The following ZMYM2 variants were observed in gnomAD, a reference collection of about 807,000 sequenced individuals.
ZMYM2 encodes the protein zinc finger MYM-type containing 2, also known as zinc finger MYM-type protein 2.
ZMYM2 carries 56 observed loss-of-function variants against 162.8 expected under a neutral mutation model. That is an observed-to-expected ratio of 0.34 (90% CI 0.28 to 0.43). The LOEUF is 0.43. Ranked by LOEUF, ZMYM2 falls within the 20% of genes least tolerant of loss-of-function variation. The pLI is 1.00. For synonymous variants in ZMYM2, 510 were observed against 541.6 expected (o/e 0.94, Z 0.81); for missense variants, 1,275 against 1,621.8 (o/e 0.79, Z 3.67).
chr13:20,061,008 T>G (rs1956187294), intron 16 of ZMYM2, 45 bp from the exon 17 acceptor site: 1 of 1,548,740 alleles, frequency 6.5e-7, no homozygotes, highest in East Asian at 2.3e-5. Context: ...GAAAAATACC[T>G]TTTAATGTTT....
chr13:19,969,720 C>T (rs570235184), intron 2 of ZMYM2, among the ~76,000 whole-genome samples: 29 of 152,024 alleles, frequency 1.9e-4, no homozygotes, highest in African/African-American at 6.3e-4. Flanking sequence ...AAATAAAAAG[C>T]TATTGAATTG....
the ZMYM2 span, among the ~76,000 whole-genome samples, chr13:19,888,381 G>T: frequency 2.0e-5 from 3 of 151,508 alleles, no homozygotes; most frequent in Admixed American, 2.0e-4. Context: ...TAGAGACTGG[G>T]TCTTGCCATG....
Position 19,993,215 on chromosome 13 carries a change from A to C in ZMYM2, c.143A>C (p.Lys48Thr), listed in dbSNP as rs1949764884. 3.7e-6 allele frequency: 6 copies of C among 1,613,860 alleles called. No individual in the cohort carries two copies. The African/African-American group carries it at 5.3e-5, about 14-fold the overall frequency. Reference protein sequence around the residue: ...PANPLVSRSNKFQNSSVEDDD... With the variant: ...PANPLVSRSNTFQNSSVEDDD... Reference sequence around the variant, plus strand: ...AATCCTTTAGTGTCTAGATCTAATAAGTTTCAGAACTCGTCAGTGGAAGAT... The same window carrying C: ...AATCCTTTAGTGTCTAGATCTAATACGTTTCAGAACTCGTCAGTGGAAGAT... The change falls in exon 3 of 25, where the codon AAG (lysine) becomes ACG (threonine). Residue 48 changes from lysine to threonine, a missense_variant. Transcript: ENST00000610343.
chr13:19,966,906 G>T (rs888166975), intron 2 of ZMYM2, among the ~76,000 whole-genome samples: 1 of 151,974 alleles, frequency 6.6e-6, no homozygotes, highest in Non-Finnish European at 1.5e-5. Flanking sequence ...CTGTTTCTTA[G>T]CCAAATAAGT....
chr13:20,046,689 ATG>A (rs548530805), intron 12 of ZMYM2, among the ~76,000 whole-genome samples: 73 of 149,642 alleles, frequency 4.9e-4, no homozygotes, highest in African/African-American at 1.2e-3. Flanking sequence ...ATATGTATAT[ATG>A]TGTGTGTGTG....
chr13:20,024,753 T>G (rs1952430128), intron 7 of ZMYM2: 1 of 218,392 alleles, frequency 4.6e-6, no homozygotes, highest in South Asian at 1.9e-4. Context: ...CATAGTGAGA[T>G]ATAGTATGTT....
intron 21 of ZMYM2, among the ~76,000 whole-genome samples, chr13:20,068,518 T>C (rs1272054392): frequency 6.6e-6 from 1 of 152,174 alleles, no homozygotes; most frequent in Non-Finnish European, 1.5e-5. Flanking sequence ...GTACATGCCC[T>C]GTTTCCCCTG....
intron 15 of ZMYM2, 33 bp downstream of exon 15, chr13:20,058,737 C>G (rs1335107660): frequency 6.2e-7 from 1 of 1,609,298 alleles, no homozygotes; most frequent in Non-Finnish European, 8.5e-7. Flanking sequence ...ACATACTTCC[C>G]CATACCTTCA....
At chr13:19,931,267 G>A in the ZMYM2 span, among the ~76,000 whole-genome samples, 6 of 150,774 alleles carry the variant, frequency 4.0e-5, no homozygotes, top group Middle Eastern at 3.4e-3. Flanking sequence ...TTTCTATGGC[G>A]TTTATTCAGT....
intron 2 of ZMYM2, among the ~76,000 whole-genome samples, chr13:19,985,716 AAAAG>A (rs1949078497): frequency 6.6e-6 from 1 of 151,750 alleles, no homozygotes; most frequent in South Asian, 2.1e-4. Context: ...AGGAAAAAAA[AAAAG>A]AAAAATTTGG....
the ZMYM2 span, among the ~76,000 whole-genome samples, chr13:19,920,066 C>G: frequency 6.6e-6 from 1 of 152,174 alleles, no homozygotes; most frequent in African/African-American, 2.4e-5. Context: ...GCCTTGGTCT[C>G]CCAATGTGCT....
intron 11 of ZMYM2, among the ~76,000 whole-genome samples, chr13:20,034,667 T>C (rs2140346965): frequency 6.6e-6 from 1 of 152,360 alleles, no homozygotes; most frequent in South Asian, 2.1e-4. Context: ...ATGTTATTTC[T>C]AAACCTACAT....
At chr13:19,900,317 G>T in the ZMYM2 span, among the ~76,000 whole-genome samples, 1 of 151,908 alleles carries the variant, frequency 6.6e-6, no homozygotes, top group Non-Finnish European at 1.5e-5. Context: ...AAAAACAGTT[G>T]TACAACAACA....
At chr13:20,042,733 T>TA (rs1367333827) in intron 12 of ZMYM2, among the ~76,000 whole-genome samples, 12 of 152,086 alleles carry the variant, frequency 7.9e-5, no homozygotes, top group African/African-American at 2.7e-4. Flanking sequence ...TATTTTTTTT[T>TA]ATTTTTTTGA....
chr13:19,872,862 G>T, the ZMYM2 span, among the ~76,000 whole-genome samples: 4 of 152,096 alleles, frequency 2.6e-5, no homozygotes, highest in East Asian at 7.8e-4. Context: ...AGCTGGGCAT[G>T]GTGGTGCATG....
At chr13:19,949,364 A>C in the ZMYM2 span, among the ~76,000 whole-genome samples, 95 of 152,258 alleles carry the variant, frequency 6.2e-4, no homozygotes, top group Admixed American at 5.0e-3. Flanking sequence ...CTGTGAGCCG[A>C]GATCACGCCA....
chr13:19,884,261 C>A, the ZMYM2 span, among the ~76,000 whole-genome samples: 22 of 152,216 alleles, frequency 1.4e-4, no homozygotes, highest in Non-Finnish European at 3.1e-4. Flanking sequence ...TTTATCCCTT[C>A]TGGTAGGTTC....
chr13:19,970,337 T>TA (rs939626046), intron 2 of ZMYM2, among the ~76,000 whole-genome samples: 1 of 152,190 alleles, frequency 6.6e-6, no homozygotes. Context: ...TAGGGTATGA[T>TA]AACCTTTCAT....
chr13:20,083,342 G>A (rs1376237291), intron 23 of ZMYM2, among the ~76,000 whole-genome samples: 3 of 152,190 alleles, frequency 2.0e-5, no homozygotes, highest in Admixed American at 6.5e-5. Context: ...GATTACAGGC[G>A]TGAGCCACCA....
Sources: gnomAD v4.1 joint callset for allele counts (sites outside exome capture counted in the v4.1 genomes callset) on GRCh38, gnomAD v4.1.1 for gene constraint, MANE v1.5 for transcripts, NCBI Gene and HGNC (gene_info 2026-07-23, HGNC 2026-07-21) for gene names.